Variants in INPP4B observed in about 807,000 individuals in gnomAD.
INPP4B encodes the protein inositol polyphosphate-4-phosphatase type II B, also known as inositol polyphosphate 4-phosphatase type II.
In INPP4B, 55 loss-of-function variants were observed where a neutral mutation model predicts 122.5. The ratio of observed to expected loss-of-function variants is 0.45; its 90% CI spans 0.36 to 0.56. The LOEUF (loss-of-function observed/expected upper bound fraction) is 0.56, where lower values mean the gene tolerates loss of function less well. Among genes scored for constraint, INPP4B ranks in the 20% least tolerant of loss-of-function variants. The pLI is 0.00. For missense variants in INPP4B, 1,000 were observed against 1,097.7 expected (o/e 0.91, Z 1.26); for synonymous variants, 403 against 388.7 (o/e 1.04, Z -0.43).
At chr4:142,476,677 GACATTA>G (rs1819824684) in intron 2 of INPP4B, among the ~76,000 whole-genome samples, 1 of 152,016 alleles carries the variant, frequency 6.6e-6, no homozygotes. Context: ...AGATAAACCA[GACATTA>G]ACAAACAGTG....
intron 2 of INPP4B, among the ~76,000 whole-genome samples, chr4:142,553,869 T>C (rs1728523920): frequency 6.6e-6 from 1 of 152,182 alleles, no homozygotes; most frequent in Non-Finnish European, 1.5e-5. Context: ...AATGAATGGC[T>C]GCACCGTCAG....
At chr4:142,681,581 A>C (rs566619969) in intron 2 of INPP4B, among the ~76,000 whole-genome samples, 3 of 151,878 alleles carry the variant, frequency 2.0e-5, no homozygotes, top group Admixed American at 2.0e-4. Flanking sequence ...GAGAGAGAGC[A>C]TGATAGAAGA....
At chr4:142,516,742 C>T (rs557439948) in intron 2 of INPP4B, among the ~76,000 whole-genome samples, 40 of 152,054 alleles carry the variant, frequency 2.6e-4, no homozygotes, top group African/African-American at 9.2e-4. Context: ...ACAGTGAGGT[C>T]AGGGCATTCA....
rs79235480 is a variant in INPP4B, at chr4:142,442,146, C to A, written c.-126-10761G>T. Among the ~76,000 whole-genome samples, 484 of 152,106 alleles carry A rather than the reference C, an allele frequency of 3.2e-3. 1 individual carries two copies. The highest frequency in any genetic ancestry group is 0.011 in the African/African-American group (465 of 41,498). On this transcript the variant is annotated intron_variant, in intron 3 of 25. Coordinates refer to ENST00000262992, the MANE Select transcript of INPP4B (RefSeq NM_001101669.3). ...AACATGGGCCAGGCACGGTGGCTCACGCCTACCTGTAATCCCAGCACTTTG... is the reference window on the plus strand; with the variant it reads ...AACATGGGCCAGGCACGGTGGCTCAAGCCTACCTGTAATCCCAGCACTTTG...
intron 7 of INPP4B, among the ~76,000 whole-genome samples, chr4:142,373,289 C>A (rs964380301): frequency 1.6e-4 from 24 of 151,990 alleles, no homozygotes; most frequent in African/African-American, 4.8e-5. Flanking sequence ...AAGGTTCTGA[C>A]AACCTAAGAT....
chr4:142,801,374 G>T lies in INPP4B; in HGVS notation c.-254+44835C>A, dbSNP rs139603259. Among the ~76,000 whole-genome samples, 104 of 152,228 alleles carry T rather than the reference G, an allele frequency of 6.8e-4. No individual in the cohort carries two copies. In the Middle Eastern group the frequency reaches 0.017, roughly 25 times the overall value. ...AGAAAGGCAGTTAGGTTAAAATGAG[G>T]CCATCAGGGCAAGCCCCAATCCAAT... On this transcript the variant is annotated intron_variant, in intron 1 of 25. Transcript: ENST00000262992.
At chr4:142,557,815 C>T (rs1252742080) in intron 2 of INPP4B, among the ~76,000 whole-genome samples, 2 of 152,128 alleles carry the variant, frequency 1.3e-5, no homozygotes, top group East Asian at 1.9e-4. Context: ...GGGTAGGGTT[C>T]CCCACTCTAA....
chr4:142,148,097 A>G (rs1398647201), intron 17 of INPP4B, among the ~76,000 whole-genome samples: 4 of 152,124 alleles, frequency 2.6e-5, no homozygotes, highest in African/African-American at 7.2e-5. Flanking sequence ...AAAATGAAAC[A>G]ACTCTCCAGC....
intron 20 of INPP4B, 22 bp downstream of exon 20, chr4:142,123,270 C>G: frequency 6.5e-7 from 1 of 1,529,496 alleles, no homozygotes; most frequent in Middle Eastern, 1.7e-4. Context: ...GTGATTTTAA[C>G]TTGTACTAAA....
chr4:142,581,209 A>G (rs1734981447), intron 2 of INPP4B, among the ~76,000 whole-genome samples: 1 of 152,060 alleles, frequency 6.6e-6, no homozygotes. Flanking sequence ...TAAGATCCAG[A>G]AGGACAAAAA....
chr4:142,308,352 T>C (rs1440695474), intron 8 of INPP4B, among the ~76,000 whole-genome samples: 2 of 152,076 alleles, frequency 1.3e-5, no homozygotes, highest in African/African-American at 4.8e-5. Flanking sequence ...GTACCAATGC[T>C]ATCCTTTTTT....
intron 2 of INPP4B, among the ~76,000 whole-genome samples, chr4:142,636,640 T>C (rs561907818): frequency 6.6e-6 from 1 of 152,090 alleles, no homozygotes; most frequent in East Asian, 1.9e-4. Flanking sequence ...ATACTCTTCC[T>C]AAAAAATGTA....
At chr4:142,642,415 C>A (rs1255537680) in intron 2 of INPP4B, among the ~76,000 whole-genome samples, 1 of 152,036 alleles carries the variant, frequency 6.6e-6, no homozygotes, top group Non-Finnish European at 1.5e-5. Context: ...AACATTTAAG[C>A]CTTTAATCCA....
intron 9 of INPP4B, among the ~76,000 whole-genome samples, chr4:142,291,145 C>A (rs112427793): frequency 5.9e-5 from 9 of 152,142 alleles, no homozygotes; most frequent in African/African-American, 2.2e-4. Context: ...AGGAATTACC[C>A]GATAAAGACC....
intron 1 of INPP4B, among the ~76,000 whole-genome samples, chr4:142,778,592 G>A (rs969855682): frequency 3.3e-5 from 5 of 151,904 alleles, no homozygotes; most frequent in South Asian, 2.1e-4. Flanking sequence ...AATATGGCAC[G>A]CTTCCATCAG....
At chr4:142,378,387 A>G (rs1490700339) in intron 7 of INPP4B, among the ~76,000 whole-genome samples, 1 of 152,130 alleles carries the variant, frequency 6.6e-6, no homozygotes, top group African/African-American at 2.4e-5. Flanking sequence ...TCGGGCACCC[A>G]TTGGTGGGGT....
chr4:142,703,949 T>C (rs141460717), intron 2 of INPP4B, among the ~76,000 whole-genome samples: 6 of 152,302 alleles, frequency 3.9e-5, no homozygotes, highest in African/African-American at 1.4e-4. Context: ...ATCCAAAATC[T>C]GGCACTTAAC....
intron 2 of INPP4B, among the ~76,000 whole-genome samples, chr4:142,566,751 T>C (rs1328578303): frequency 1.3e-5 from 2 of 152,170 alleles, no homozygotes; most frequent in Non-Finnish European, 1.5e-5. Context: ...CCATATAATG[T>C]TCTGTGTGTA....
At chr4:142,811,441 A>T (rs1296897021) in intron 1 of INPP4B, among the ~76,000 whole-genome samples, 3 of 152,210 alleles carry the variant, frequency 2.0e-5, no homozygotes, top group South Asian at 2.1e-4. Flanking sequence ...CTGCATGAAC[A>T]TGCTTATTAG....
Sources: allele counts gnomAD v4.1 joint callset (sites outside exome capture counted in the v4.1 genomes callset), GRCh38; gene constraint gnomAD v4.1.1; transcripts MANE v1.5; gene names NCBI Gene and HGNC (gene_info 2026-07-23, HGNC 2026-07-21).